The following PPP3CA variants were observed in gnomAD, a reference collection of about 807,000 sequenced individuals.
PPP3CA encodes CAM-PRP catalytic subunit.
Under a neutral mutation model 66.5 loss-of-function variants are expected in PPP3CA, and 14 were observed. That is an observed-to-expected ratio of 0.21 (90% CI 0.14 to 0.33). PPP3CA has a LOEUF of 0.33. Ranked by LOEUF, PPP3CA falls within the 10% of genes least tolerant of loss-of-function variation. The pLI, the probability that PPP3CA is intolerant of heterozygous loss-of-function variation, is 1.00. For synonymous variants in PPP3CA, 232 were observed against 226.2 expected, an observed-to-expected ratio of 1.03 and a Z score of -0.23; for missense variants, 317 against 639.5, an observed-to-expected ratio of 0.50 and a Z score of 5.44.
chr4:101,181,280 T>C (rs1341946188), intron 2 of PPP3CA, among the ~76,000 whole-genome samples: 1 of 152,022 alleles, frequency 6.6e-6, no homozygotes, highest in Non-Finnish European at 1.5e-5. Flanking sequence ...GGGTATATTA[T>C]GGGCATTTAT....
rs949376241 is a variant in PPP3CA, at chr4:101,231,724, T to C, written c.59-35608A>G. 3.3e-5 allele frequency among the ~76,000 whole-genome samples: 5 copies of C among 151,934 alleles called. No individual in the cohort carries two copies. The East Asian group carries it at 9.7e-4, about 30-fold the overall frequency. Reference sequence around the variant, plus strand: ...CCTCCATGGGATCATGACTAACTTATGAAACAAAATGTATGTTAGTGATTT... The same window carrying C: ...CCTCCATGGGATCATGACTAACTTACGAAACAAAATGTATGTTAGTGATTT... On this transcript the variant is annotated intron_variant, in intron 1 of 13. Coordinates refer to ENST00000394854, the MANE Select transcript of PPP3CA (RefSeq NM_000944.5).
intron 1 of PPP3CA, among the ~76,000 whole-genome samples, chr4:101,239,980 G>A (rs768416370): frequency 5.0e-4 from 76 of 151,012 alleles, no homozygotes; most frequent in Non-Finnish European, 8.2e-4. Context: ...ATTTGATTAA[G>A]GGGGTTTAAA....
chr4:101,101,509 T>C (rs1242475083), intron 3 of PPP3CA, among the ~76,000 whole-genome samples: 2 of 152,304 alleles, frequency 1.3e-5, no homozygotes, highest in African/African-American at 2.4e-5. Context: ...GTTTGGAATA[T>C]GAATGGATAT....
intron 10 of PPP3CA, among the ~76,000 whole-genome samples, chr4:101,045,832 A>G (rs933923665): frequency 5.3e-5 from 8 of 152,256 alleles, no homozygotes; most frequent in Non-Finnish European, 7.3e-5. Context: ...CTGAATGAGT[A>G]GAGACAGACA....
intron 1 of PPP3CA, among the ~76,000 whole-genome samples, chr4:101,286,101 A>ACTT (rs1446560959): frequency 2.6e-5 from 4 of 152,212 alleles, no homozygotes; most frequent in African/African-American, 9.6e-5. Flanking sequence ...TTCTCCTAAG[A>ACTT]AGCATCCAAC....
intron 2 of PPP3CA, among the ~76,000 whole-genome samples, chr4:101,149,964 G>C (rs1723086691): frequency 6.6e-6 from 1 of 152,102 alleles, no homozygotes; most frequent in South Asian, 2.1e-4. Context: ...CTAGGAGAGA[G>C]AGTACAGTGG....
At chr4:101,033,865 A>G (rs75947161) in intron 11 of PPP3CA, among the ~76,000 whole-genome samples, 11,218 of 152,214 alleles carry the variant, frequency 0.074, 459 homozygotes, top group Middle Eastern at 0.11. Flanking sequence ...TAAATAAAAT[A>G]ATACAAAATA....
At chr4:101,138,949 CAT>C (rs1394866481) in intron 2 of PPP3CA, among the ~76,000 whole-genome samples, 2 of 152,110 alleles carry the variant, frequency 1.3e-5, no homozygotes, top group African/African-American at 2.4e-5. Context: ...GAAAACCTAA[CAT>C]GTGAAAAACA....
intron 1 of PPP3CA, among the ~76,000 whole-genome samples, chr4:101,339,137 G>C (rs1729728785): frequency 6.6e-6 from 1 of 152,140 alleles, no homozygotes; most frequent in African/African-American, 2.4e-5. Context: ...AAGGGAAGGA[G>C]GTCATGTTGG....
rs1245340200 is a variant in PPP3CA at position 101,025,689 on chromosome 4, A to ATC, written c.*174_*175dup. On this transcript the variant is annotated 3_prime_UTR_variant, in exon 14 of 14. Transcript: ENST00000394854. ...CATCCCCACCAAAATATAGTTTATT[A>ATC]TCTCTCTCCCTCTTTTTTAATGATA... The ATC allele has an allele frequency of 6.2e-6, 3 of 482,484 alleles. No homozygotes were observed. The highest frequency in any genetic ancestry group is 1.1e-5 in the Non-Finnish European group (3 of 280,558). 29.9% of individuals were successfully genotyped at this position (482,484 alleles called of 1,614,324 possible). A position where few individuals can be genotyped will look rare whatever the true frequency, so the allele number is the denominator to read the frequency against.
intron 1 of PPP3CA, among the ~76,000 whole-genome samples, chr4:101,302,208 C>T (rs1261757920): frequency 6.6e-6 from 1 of 152,140 alleles, no homozygotes; most frequent in African/African-American, 2.4e-5. Context: ...CAGAATGTTG[C>T]TCAAATGAAG....
chr4:101,115,077 TTTACTCACTATAGA>T (rs1721798698), intron 2 of PPP3CA, among the ~76,000 whole-genome samples: 1 of 151,976 alleles, frequency 6.6e-6, no homozygotes, highest in Non-Finnish European at 1.5e-5. Flanking sequence ...AGTTCAGGAC[TTTACTCACTATAGA>T]TTACAGCAAA....
At chr4:101,285,250 AATT>A (rs1328865263) in intron 1 of PPP3CA, among the ~76,000 whole-genome samples, 1 of 152,200 alleles carries the variant, frequency 6.6e-6, no homozygotes, top group African/African-American at 2.4e-5. Flanking sequence ...ATGTTTAAAT[AATT>A]ATTATCCTTA....
chr4:101,179,853 C>T (rs1212249337), intron 2 of PPP3CA, among the ~76,000 whole-genome samples: 2 of 152,074 alleles, frequency 1.3e-5, no homozygotes, highest in Non-Finnish European at 2.9e-5. Context: ...CATCACTGTC[C>T]TAAATTTCTA....
chr4:101,188,461 TC>T (rs1439845731), intron 2 of PPP3CA, among the ~76,000 whole-genome samples: 1 of 152,168 alleles, frequency 6.6e-6, no homozygotes, highest in East Asian at 1.9e-4. Flanking sequence ...AGATTTTTTT[TC>T]TGTCATTGTA....
chr4:101,095,226 C>A (rs138497654), intron 5 of PPP3CA, among the ~76,000 whole-genome samples: 1 of 151,920 alleles, frequency 6.6e-6, no homozygotes, highest in Non-Finnish European at 1.5e-5. Flanking sequence ...TAATACTTGT[C>A]CCTAAAAATA....
At chr4:101,040,132 C>A (rs938445968) in intron 11 of PPP3CA, among the ~76,000 whole-genome samples, 3 of 151,942 alleles carry the variant, frequency 2.0e-5, no homozygotes, top group Admixed American at 6.6e-5. Context: ...TCTTTCACCA[C>A]GAGCCAGAAC....
At chr4:101,304,085 G>A (rs531427179) in intron 1 of PPP3CA, among the ~76,000 whole-genome samples, 4 of 152,240 alleles carry the variant, frequency 2.6e-5, no homozygotes, top group Admixed American at 6.5e-5. Flanking sequence ...TTTTATAAAT[G>A]AGAATGTTTT....
chr4:101,034,671 C>G (rs575368553), intron 11 of PPP3CA, among the ~76,000 whole-genome samples: 7 of 152,086 alleles, frequency 4.6e-5, no homozygotes, highest in Non-Finnish European at 1.0e-4. Context: ...AAATGTTAAT[C>G]CATATTTTAG....
Sources: gnomAD v4.1 joint callset for allele counts (sites outside exome capture counted in the v4.1 genomes callset) on GRCh38, gnomAD v4.1.1 for gene constraint, MANE v1.5 for transcripts, NCBI Gene and HGNC (gene_info 2026-07-23, HGNC 2026-07-21) for gene names.